Variants in TMPRSS4 observed in about 807,000 individuals in gnomAD.
TMPRSS4 encodes transmembrane protease serine 4.
A neutral mutation model predicts 56.4 loss-of-function variants in TMPRSS4; 45 were observed. That is an observed-to-expected ratio of 0.80 (90% CI 0.63 to 1.02). The LOEUF is 1.02. TMPRSS4 is among the 50% of genes least tolerant of loss of function. The pLI is 0.00. For synonymous variants in TMPRSS4, 205 were observed against 211.0 expected (o/e 0.97, Z 0.25); for missense variants, 546 against 556.7 (o/e 0.98, Z 0.19).
In TMPRSS4 at chr11:118,118,357, A is replaced by C; in HGVS notation, c.*444A>C. 1.1e-5 allele frequency: 11 copies of C among 1,025,002 alleles called. No individual in the cohort carries two copies. Among genetic ancestry groups the C allele is most frequent in the Non-Finnish European group, 7.0e-6 (6 of 855,828 alleles). 63.5% of individuals were successfully genotyped at this position (1,025,002 alleles called of 1,614,324 possible). On this transcript the variant is annotated 3_prime_UTR_variant, in exon 13 of 13. Transcript: ENST00000437212. ...AGCAAGAAACCAGTTGTAATATAAAATGCACTGCCCTACTGTTGGTATGAC... is the reference window on the plus strand; with the variant it reads ...AGCAAGAAACCAGTTGTAATATAAACTGCACTGCCCTACTGTTGGTATGAC...
chr11:118,117,919 C>T lies in TMPRSS4; in HGVS notation c.*6C>T, dbSNP rs1162759187. 6.2e-7 allele frequency: 1 copy of T among 1,613,168 alleles called. No homozygotes were observed. Among genetic ancestry groups the T allele is most frequent in the African/African-American group, 1.3e-5 (1 of 74,918 alleles). ...TATTCTAGGCTGAGCTGTAATGCTG[C>T]TGCCCCTTTGCAGTGCTGGGAGCCG... On this transcript the variant is annotated 3_prime_UTR_variant, in exon 13 of 13. Coordinates refer to ENST00000437212, the MANE Select transcript of TMPRSS4 (RefSeq NM_019894.4).
At chr11:118,107,113 G>A (rs1266206973) in intron 5 of TMPRSS4, 2 of 152,182 alleles carry the variant, frequency 1.3e-5, no homozygotes, top group African/African-American at 4.8e-5. Context: ...CAATCAGAGA[G>A]ATGGAATTAA....
In TMPRSS4 at chr11:118,118,463, TAGCTGGAATGCTTGATAAGAACTG is replaced by T; in HGVS notation, c.*557_*580del. The stretch of plus-strand genomic sequence containing the variant: ...GCTGTGTAACATCTCTGGCATAGGC[TAGCTGGAATGCTTGATAAGAACTG>T]AGCTGGGATGATTGAACTTTCATTC... On this transcript the variant is annotated 3_prime_UTR_variant, in exon 13 of 13. Transcript: ENST00000437212. The T allele has an allele frequency of 2.0e-6, 2 of 986,332 alleles. No homozygotes were observed. Among genetic ancestry groups the T allele is most frequent in the Non-Finnish European group, 2.4e-6 (2 of 830,582 alleles). 61.1% of individuals were successfully genotyped at this position (986,332 alleles called of 1,614,324 possible).
chr11:118,113,196 C>A, intron 8 of TMPRSS4, 73 bp from the exon 9 acceptor site: 1 of 1,502,728 alleles, frequency 6.7e-7, no homozygotes, highest in Non-Finnish European at 9.0e-7. Flanking sequence ...TCCCTAGGGC[C>A]CTGGGGACCC....
chr11:118,109,354 G>A (rs1947165408), intron 7 of TMPRSS4, among the ~76,000 whole-genome samples: 1 of 152,228 alleles, frequency 6.6e-6, no homozygotes, highest in African/African-American at 2.4e-5. Flanking sequence ...GAAGTAGAAA[G>A]TACCAGATGA....
chr11:118,080,892 A>G (rs1322331167), intron 1 of TMPRSS4, among the ~76,000 whole-genome samples: 1 of 152,222 alleles, frequency 6.6e-6, no homozygotes, highest in African/African-American at 2.4e-5. Context: ...CATCAGCCTC[A>G]GTAAAACGCT....
At chr11:118,117,567 A>AGT in intron 12 of TMPRSS4, 113 bp downstream of exon 12, 2 of 1,503,818 alleles carry the variant, frequency 1.3e-6, no homozygotes, top group Non-Finnish European at 8.9e-7. Flanking sequence ...TACATCCCAA[A>AGT]TAACTTTCCC....
rs1565417570 is a variant in TMPRSS4, at chr11:118,092,189, C to CTTCTCT, written c.4-2627_4-2626insTTCTCT. On this transcript the variant is annotated intron_variant, in intron 1 of 12. Transcript: ENST00000437212. The stretch of plus-strand genomic sequence containing the variant: ...ACAGAAGTGCAGAGGATGGTGTAAC[C>CTTCTCT]GCCCAAGGGGTTCACCTTGCCCGCT... Among the ~76,000 whole-genome samples, 424 of 152,308 alleles carry CTTCTCT rather than the reference C, an allele frequency of 2.8e-3. 2 individuals are homozygous for CTTCTCT. The highest frequency in any genetic ancestry group is 9.3e-3 in the African/African-American group (387 of 41,556).
At chr11:118,112,356 G>C (rs1041520341) in intron 8 of TMPRSS4, among the ~76,000 whole-genome samples, 1 of 147,206 alleles carries the variant, frequency 6.8e-6, no homozygotes, top group Non-Finnish European at 1.5e-5. Context: ...CCTCAGGGAA[G>C]GGCTACTCCC....
In TMPRSS4 at chr11:118,112,379, C is replaced by CTTTTTTTT. The variant is rs71469160; in HGVS notation, c.743+503_743+510dup. Among the ~76,000 whole-genome samples the CTTTTTTTT allele has an allele frequency of 1.0e-3, 46 of 45,724 alleles. 6 individuals are homozygous for CTTTTTTTT. The highest frequency in any genetic ancestry group is 7.2e-3 in the East Asian group (10 of 1,388). 30.0% of individuals were successfully genotyped at this position (45,724 alleles called of 152,430 possible). ...AAGGGCTACTCCCAGACCCCCTTCA[C>CTTTTTTTT]TTTTTTTTTTTTTTTTTTTTTTTTT... On this transcript the variant is annotated intron_variant, in intron 8 of 12. Transcript: ENST00000437212.
In TMPRSS4 at chr11:118,117,314, G is replaced by T. The variant is rs200732603; in HGVS notation, c.1162G>T (p.Gly388Cys). The change falls in exon 12 of 13, where the codon GGT (glycine) becomes TGT (cysteine). Residue 388 changes from glycine (G) to cysteine (C), a missense_variant. Transcript: ENST00000437212. ...TTCTGGTCTCTCACAGGGTGACAGT[G>T]GTGGGCCCCTGATGTACCAATCTGA... Reference protein sequence around the residue: ...GGVDTCQGDSGGPLMYQSDQW... With the variant: ...GGVDTCQGDSCGPLMYQSDQW... 8.1e-6 allele frequency: 13 copies of T among 1,613,998 alleles called. No individual in the cohort carries two copies. Among genetic ancestry groups the T allele is most frequent in the Admixed American group, 1.7e-5 (1 of 60,002 alleles).
intron 4 of TMPRSS4, among the ~76,000 whole-genome samples, chr11:118,103,517 G>A (rs892303852): frequency 6.6e-6 from 1 of 152,144 alleles, no homozygotes; most frequent in Non-Finnish European, 1.5e-5. Flanking sequence ...GAGTAGCTGG[G>A]ATTACAGGTG....
At position 118,117,927 on chromosome 11, in the gene TMPRSS4, T is replaced by C; in HGVS notation, c.*14T>C. 6.2e-7 allele frequency: 1 copy of C among 1,613,084 alleles called. No homozygotes were observed. Among genetic ancestry groups the C allele is most frequent in the Non-Finnish European group, 8.5e-7 (1 of 1,180,040 alleles). ...GCTGAGCTGTAATGCTGCTGCCCCT[T>C]TGCAGTGCTGGGAGCCGCTTCCTTC... On this transcript the variant is annotated 3_prime_UTR_variant, in exon 13 of 13. Coordinates refer to ENST00000437212, the MANE Select transcript of TMPRSS4 (RefSeq NM_019894.4).
intron 11 of TMPRSS4, 104 bp from the exon 12 acceptor site, chr11:118,117,201 C>A: frequency 2.7e-6 from 3 of 1,115,254 alleles, no homozygotes; most frequent in Non-Finnish European, 4.0e-6. Flanking sequence ...CGGAGAGCAG[C>A]AGGGAGTGCA....
At chr11:118,102,825 G>A (rs1341845271) in intron 3 of TMPRSS4, 2 of 424,110 alleles carry the variant, frequency 4.7e-6, no homozygotes, top group South Asian at 3.3e-5. Context: ...GCACTGGAGG[G>A]TAAGAGGCAG....
chr11:118,096,844 A>G (rs11216741), intron 2 of TMPRSS4, among the ~76,000 whole-genome samples: 8,391 of 23,590 alleles, frequency 0.36, 3,548 homozygotes, highest in Non-Finnish European at 0.4. Flanking sequence ...AGAAGGAAAG[A>G]AGGAAAGAAA....
chr11:118,082,225 A>G (rs543608237), intron 1 of TMPRSS4, among the ~76,000 whole-genome samples: 10 of 152,318 alleles, frequency 6.6e-5, no homozygotes, highest in Admixed American at 3.3e-4. Context: ...TCAGTCTAAT[A>G]CAACTCTCTG....
chr11:118,103,346 T>A, intron 4 of TMPRSS4, 93 bp downstream of exon 4: 4 of 1,467,890 alleles, frequency 2.7e-6, no homozygotes, highest in Non-Finnish European at 2.7e-6. Flanking sequence ...GCCCCCTACT[T>A]GTCACTTTTC....
intron 1 of TMPRSS4, among the ~76,000 whole-genome samples, chr11:118,079,625 A>C (rs951309603): frequency 2.0e-5 from 3 of 152,184 alleles, no homozygotes; most frequent in Admixed American, 2.0e-4. Flanking sequence ...GTGGGTGTTA[A>C]CACCTGAGGT....
Sources: gnomAD v4.1 joint callset for allele counts (sites outside exome capture counted in the v4.1 genomes callset) on GRCh38, gnomAD v4.1.1 for gene constraint, MANE v1.5 for transcripts, NCBI Gene and HGNC (gene_info 2026-07-23, HGNC 2026-07-21) for gene names.